ARL6: variants seen among roughly 807,000 people sequenced by gnomAD.
ARL6 encodes ADP-ribosylation factor-like protein 6.
A neutral mutation model predicts 27.1 loss-of-function variants in ARL6; 18 were observed. The observed-to-expected ratio is 0.66, with a 90% CI of 0.46 to 0.98. The LOEUF (loss-of-function observed/expected upper bound fraction) is 0.98. Among genes scored for constraint, ARL6 ranks in the 50% least tolerant of loss-of-function variants. The pLI is 0.00. For synonymous variants in ARL6, 65 were observed against 72.3 expected (o/e 0.90, Z 0.51); for missense variants, 187 against 214.9 (o/e 0.87, Z 0.81).
At position 97,800,437 on chromosome 3, in the gene ARL6, A is replaced by C. The variant is rs937666331; in HGVS notation, c.*2388A>C. Reference sequence around the variant, plus strand: ...TTTAATTCATTAAGCTCTGTATTTGAATATAACACCTTGTAAAAATGTTTG... The same window carrying C: ...TTTAATTCATTAAGCTCTGTATTTGCATATAACACCTTGTAAAAATGTTTG... On this transcript the variant is annotated 3_prime_UTR_variant, in exon 8 of 8. Transcript: ENST00000463745. 1 of 152,188 alleles carries C rather than the reference A, an allele frequency of 6.6e-6. No homozygotes were observed. Among genetic ancestry groups the C allele is most frequent in the Non-Finnish European group, 1.5e-5 (1 of 68,038 alleles). The allele number at this position is 152,188 out of a possible 1,614,324, so 9.4% of individuals were successfully genotyped here.
chr3:97,792,751 T>C (rs577523589), intron 7 of ARL6, among the ~76,000 whole-genome samples: 2 of 152,336 alleles, frequency 1.3e-5, no homozygotes, highest in Admixed American at 6.5e-5. Context: ...GAGCAGTAGA[T>C]AGTTGTGAAT....
intron 1 of ARL6, 44 bp from the exon 2 acceptor site, chr3:97,768,037 C>A: frequency 6.4e-7 from 1 of 1,562,856 alleles, no homozygotes; most frequent in Non-Finnish European, 8.8e-7. Context: ...TTTTCCATAA[C>A]TTAAGGTGCC....
chr3:97,773,003 G>T lies in ARL6; in HGVS notation c.123+4773G>T, dbSNP rs1376639543. Among the ~76,000 whole-genome samples the T allele has an allele frequency of 3.3e-5, 5 of 152,236 alleles. 1 individual carries two copies. Among genetic ancestry groups the T allele is most frequent in the South Asian group, 4.2e-4 (2 of 4,818 alleles). On this transcript the variant is annotated intron_variant, in intron 2 of 7. Transcript: ENST00000463745. ...CAGTATCCATAGATTTTGGTATGTT[G>T]TATTTCCCTTTTCATTTAAGAATGT...
intron 2 of ARL6, among the ~76,000 whole-genome samples, chr3:97,771,423 C>A (rs902549990): frequency 6.6e-6 from 1 of 151,976 alleles, no homozygotes; most frequent in Non-Finnish European, 1.5e-5. Context: ...GTAGAGTCTT[C>A]AGGTTTTTCT....
intron 2 of ARL6, among the ~76,000 whole-genome samples, chr3:97,778,373 AG>A (rs1304598635): frequency 6.6e-6 from 1 of 152,226 alleles, no homozygotes; most frequent in African/African-American, 2.4e-5. Context: ...AGGCAAAACA[AG>A]GGCAGCTCTG....
intron 7 of ARL6, among the ~76,000 whole-genome samples, chr3:97,793,915 A>T (rs1346568394): frequency 6.6e-6 from 1 of 151,902 alleles, no homozygotes; most frequent in Non-Finnish European, 1.5e-5. Flanking sequence ...ACTACTTATT[A>T]ATTTACCTCT....
At chr3:97,797,817 G>T (rs548809618) in intron 7 of ARL6, among the ~76,000 whole-genome samples, 295 of 152,266 alleles carry the variant, frequency 1.9e-3, no homozygotes, top group African/African-American at 7.0e-3. Flanking sequence ...AACTACTAGA[G>T]AGGTTCAGGT....
At position 97,780,153 on chromosome 3, in the gene ARL6, T is replaced by C; in HGVS notation, c.124-6T>C. Reference sequence around the variant, plus strand: ...AAATTTCTGAACTTTGTCTTTTCTCTTAAAGGCTCAATCTCAAAATATCCT... The same window carrying C: ...AAATTTCTGAACTTTGTCTTTTCTCCTAAAGGCTCAATCTCAAAATATCCT... On this transcript the variant is annotated splice_region_variant and splice_polypyrimidine_tract_variant and intron_variant, in intron 2 of 7. Transcript: ENST00000463745. 5 of 1,611,182 alleles carry C rather than the reference T, an allele frequency of 3.1e-6. No homozygotes were observed. The highest frequency in any genetic ancestry group is 4.2e-6 in the Non-Finnish European group (5 of 1,177,560).
chr3:97,794,402 C>T (rs1022883694), intron 7 of ARL6, among the ~76,000 whole-genome samples: 1 of 151,858 alleles, frequency 6.6e-6, no homozygotes, highest in Admixed American at 6.6e-5. Context: ...TTAGTAGAGA[C>T]AGGGTTTCAC....
At position 97,775,420 on chromosome 3, in the gene ARL6, G is replaced by T. The variant is rs921214456; in HGVS notation, c.124-4739G>T. On this transcript the variant is annotated intron_variant, in intron 2 of 7. Transcript: ENST00000463745. ...CAGGAAGCATCCAGCACGGTAGAAA[G>T]ATGTAGGCTGGGAGGCTAAGCCAGC... Among the ~76,000 whole-genome samples the T allele has an allele frequency of 1.4e-4, 21 of 149,862 alleles. 1 individual carries two copies. The highest frequency in any genetic ancestry group is 5.1e-4 in the African/African-American group (21 of 41,114).
intron 7 of ARL6, among the ~76,000 whole-genome samples, chr3:97,793,721 C>T (rs1275466983): frequency 6.6e-6 from 1 of 152,050 alleles, no homozygotes; most frequent in Non-Finnish European, 1.5e-5. Context: ...GTCTTACCTC[C>T]CAAGTCTTTG....
At chr3:97,774,992 A>T (rs992910599) in intron 2 of ARL6, among the ~76,000 whole-genome samples, 3 of 152,242 alleles carry the variant, frequency 2.0e-5, no homozygotes, top group Non-Finnish European at 4.4e-5. Flanking sequence ...GCTCACGAGC[A>T]GTGAATCAAG....
chr3:97,766,938 T>A lies in ARL6; in HGVS notation c.-27-1143T>A, dbSNP rs917430940. ...GTCCTTCTACCACAAAGTAATGGTT[T>A]GGGGAGCAATGGACCCAAAGTGAGC... is the stretch of plus-strand genomic sequence containing the variant. On this transcript the variant is annotated intron_variant, in intron 1 of 7. Coordinates refer to ENST00000463745, the MANE Select transcript of ARL6 (RefSeq NM_001278293.3). Among the ~76,000 whole-genome samples the A allele has an allele frequency of 2.0e-5, 3 of 152,104 alleles. No homozygotes were observed. The South Asian group carries it at 6.2e-4, about 32-fold the overall frequency.
At chr3:97,783,030 T>A (rs1045834952) in intron 4 of ARL6, among the ~76,000 whole-genome samples, 18 of 150,888 alleles carry the variant, frequency 1.2e-4, no homozygotes, top group African/African-American at 4.4e-4. Context: ...GACATTTACT[T>A]TCTCATCTAT....
rs376578984 is a variant in ARL6 at position 97,799,958 on chromosome 3, T to C, written c.*1909T>C. 2.0e-5 allele frequency: 3 copies of C among 152,236 alleles called. No individual in the cohort carries two copies. The East Asian group carries it at 5.8e-4, about 29-fold the overall frequency. 9.4% of individuals were successfully genotyped at this position (152,236 alleles called of 1,614,324 possible). A position where few individuals can be genotyped will look rare whatever the true frequency, so the allele number is the denominator to read the frequency against. ...GGGACAGCAACCAGGACAGGGATGG[T>C]AGAGGGAAGGTCAGAGACTAGAGAC... On this transcript the variant is annotated 3_prime_UTR_variant, in exon 8 of 8. Coordinates refer to ENST00000463745, the MANE Select transcript of ARL6 (RefSeq NM_001278293.3).
intron 1 of ARL6, among the ~76,000 whole-genome samples, chr3:97,767,115 GT>G (rs972074916): frequency 6.6e-6 from 1 of 150,928 alleles, no homozygotes. Context: ...ATTGCTGATA[GT>G]TTTTTTTTAA....
At chr3:97,791,542 G>A (rs1044616374) in intron 6 of ARL6, among the ~76,000 whole-genome samples, 1 of 152,034 alleles carries the variant, frequency 6.6e-6, no homozygotes, top group African/African-American at 2.4e-5. Context: ...ACTAATCCTG[G>A]GATAAAATAA....
Position 97,799,249 on chromosome 3 carries a change from A to G in ARL6, c.*1200A>G, listed in dbSNP as rs2038144478. 1 of 152,100 alleles carries G rather than the reference A, an allele frequency of 6.6e-6. No homozygotes were observed. The highest frequency in any genetic ancestry group is 1.5e-5 in the Non-Finnish European group (1 of 67,938). 9.4% of individuals were successfully genotyped at this position (152,100 alleles called of 1,614,324 possible). ...AAAGTAAGTGAGTAATAAAGATGTT[A>G]TAGTAACTGCAGTAGTGGTACATGT... On this transcript the variant is annotated 3_prime_UTR_variant, in exon 8 of 8. Transcript: ENST00000463745.
In ARL6 at chr3:97,798,047, TGAAAA is replaced by T; in HGVS notation, c.*1_*5del. On this transcript the variant is annotated stop_retained_variant and 3_prime_UTR_variant, in exon 8 of 8. Coordinates refer to ENST00000463745, the MANE Select transcript of ARL6 (RefSeq NM_001278293.3). ...AGATCAGATCCAGACTGTGAAGACA[TGAAAA>T]GATAATAGTTGGAAACCTCAGCAAT... The T allele has an allele frequency of 6.2e-7, 1 of 1,613,190 alleles. No homozygotes were observed. The highest frequency in any genetic ancestry group is 8.5e-7 in the Non-Finnish European group (1 of 1,179,328).
Sources: allele counts gnomAD v4.1 joint callset (sites outside exome capture counted in the v4.1 genomes callset), GRCh38; gene constraint gnomAD v4.1.1; transcripts MANE v1.5; gene names NCBI Gene and HGNC (gene_info 2026-07-23, HGNC 2026-07-21).